ARHGAP31: variants seen among roughly 807,000 people sequenced by gnomAD.
The protein encoded by ARHGAP31 is Rho GTPase activating protein 31.
Under a neutral mutation model 113.9 loss-of-function variants are expected in ARHGAP31, and 34 were observed. The ratio of observed to expected loss-of-function variants is 0.30; its 90% CI spans 0.23 to 0.40. The LOEUF (loss-of-function observed/expected upper bound fraction) is 0.40. Among genes scored for constraint, ARHGAP31 ranks in the 10% least tolerant of loss-of-function variants. The pLI is 1.00. For synonymous variants in ARHGAP31, 650 were observed against 684.8 expected (o/e 0.95, Z 0.79); for missense variants, 1,548 against 1,767.1 (o/e 0.88, Z 2.22).
In ARHGAP31 at chr3:119,333,212, G is replaced by T. The variant is rs573803870; in HGVS notation, c.101-32104G>T. Among the ~76,000 whole-genome samples, 25 of 152,238 alleles carry T rather than the reference G, an allele frequency of 1.6e-4. No individual in the cohort carries two copies. The South Asian group carries it at 4.6e-3, about 28-fold the overall frequency. On this transcript the variant is annotated intron_variant, in intron 1 of 11. Transcript: ENST00000264245. ...GGCATGTTTGTTGGAAAGAAATATT[G>T]CTCTTTCTTCAAAAAGGGACTCTGA... is the stretch of plus-strand genomic sequence containing the variant.
chr3:119,313,441 C>T (rs1000701127), intron 1 of ARHGAP31, among the ~76,000 whole-genome samples: 1 of 152,168 alleles, frequency 6.6e-6, no homozygotes. Context: ...ATATGAGCCA[C>T]GTATCATTTT....
intron 3 of ARHGAP31, among the ~76,000 whole-genome samples, chr3:119,369,914 GA>G (rs1411402739): frequency 6.7e-6 from 1 of 149,314 alleles, no homozygotes; most frequent in Non-Finnish European, 1.5e-5. Context: ...TTTAAAAAAG[GA>G]AAAACAAAAT....
chr3:119,389,566 C>T (rs1303449836), intron 6 of ARHGAP31, among the ~76,000 whole-genome samples: 1 of 152,150 alleles, frequency 6.6e-6, no homozygotes, highest in Non-Finnish European at 1.5e-5. Context: ...GAATTAGTGC[C>T]ATCCATGCTA....
chr3:119,295,099 T>C, intron 1 of ARHGAP31, 95 bp downstream of exon 1: 3 of 1,172,872 alleles, frequency 2.6e-6, no homozygotes, highest in South Asian at 1.2e-5. Context: ...GGTTCACAAG[T>C]TAATGTATTC....
At chr3:119,371,888 C>G (rs972620420) in intron 3 of ARHGAP31, among the ~76,000 whole-genome samples, 4 of 152,168 alleles carry the variant, frequency 2.6e-5, no homozygotes, top group Non-Finnish European at 5.9e-5. Context: ...CATTAGTTTG[C>G]TAAGGATAAT....
intron 1 of ARHGAP31, among the ~76,000 whole-genome samples, chr3:119,347,598 A>T (rs2080071263): frequency 6.6e-6 from 1 of 152,154 alleles, no homozygotes; most frequent in South Asian, 2.1e-4. Context: ...CTTGGGTACA[A>T]GCTCAAGTAG....
At chr3:119,394,900 T>C (rs2080535182) in intron 8 of ARHGAP31, among the ~76,000 whole-genome samples, 1 of 152,218 alleles carries the variant, frequency 6.6e-6, no homozygotes. Flanking sequence ...TTTCATAGTA[T>C]GCTAATGGTT....
Position 119,409,650 on chromosome 3 carries a change from T to G in ARHGAP31, c.1800T>G (p.Asn600Lys). 1 of 1,612,704 alleles carries G rather than the reference T, an allele frequency of 6.2e-7. No homozygotes were observed. Among genetic ancestry groups the G allele is most frequent in the Non-Finnish European group, 8.5e-7 (1 of 1,179,382 alleles). Residue 600 changes from asparagine (N) to lysine (K), a missense_variant, in exon 11 of 12, where the codon AAT becomes AAG. Transcript: ENST00000264245. ...GCTCCTTGAGCTCTCAACATTTAAA[T>G]GAATTAGAGAAGAGGCCAAATCCGG... ...PESSLSSQHL[N>K]ELEKRPNPEK...
chr3:119,318,590 C>T (rs1179906960), intron 1 of ARHGAP31, among the ~76,000 whole-genome samples: 1 of 152,108 alleles, frequency 6.6e-6, no homozygotes, highest in Non-Finnish European at 1.5e-5. Context: ...TTCACAGAGC[C>T]TATAAGAAGG....
intron 10 of ARHGAP31, among the ~76,000 whole-genome samples, chr3:119,404,157 T>A (rs1181022915): frequency 6.6e-6 from 1 of 151,030 alleles, no homozygotes; most frequent in Non-Finnish European, 1.5e-5. Context: ...GGGGAGGGAG[T>A]GAAGGCTTTG....
At chr3:119,303,363 G>C (rs2079601787) in intron 1 of ARHGAP31, among the ~76,000 whole-genome samples, 1 of 152,204 alleles carries the variant, frequency 6.6e-6, no homozygotes, top group Non-Finnish European at 1.5e-5. Flanking sequence ...CCCAGGCTTT[G>C]CACAGAACTC....
At chr3:119,311,617 G>C (rs2079684329) in intron 1 of ARHGAP31, among the ~76,000 whole-genome samples, 1 of 152,202 alleles carries the variant, frequency 6.6e-6, no homozygotes. Flanking sequence ...TTGGCTAACA[G>C]ATAGCATTCA....
At position 119,398,243 on chromosome 3, in the gene ARHGAP31, G is replaced by C. The variant is rs549322393; in HGVS notation, c.1007-956G>C. On this transcript the variant is annotated intron_variant, in intron 8 of 11. Transcript: ENST00000264245. ...TGATCACTCTACCACACTCCAGCCT[G>C]GGCAACAGAATAAGACCCTGTCTTA... 5.9e-5 allele frequency among the ~76,000 whole-genome samples: 9 copies of C among 152,074 alleles called. No homozygotes were observed. The South Asian group carries it at 1.7e-3, about 28-fold the overall frequency.
At chr3:119,407,690 G>A (rs1220317831) in intron 10 of ARHGAP31, among the ~76,000 whole-genome samples, 1 of 152,238 alleles carries the variant, frequency 6.6e-6, no homozygotes, top group African/African-American at 2.4e-5. Flanking sequence ...GGTCTGGGAA[G>A]CCTTGAAAGA....
intron 1 of ARHGAP31, among the ~76,000 whole-genome samples, chr3:119,363,618 A>G (rs1163548139): frequency 6.6e-6 from 1 of 152,216 alleles, no homozygotes; most frequent in African/African-American, 2.4e-5. Flanking sequence ...GAAGGCCACA[A>G]GGGAAAGGAA....
intron 1 of ARHGAP31, among the ~76,000 whole-genome samples, chr3:119,312,371 C>T (rs1040503565): frequency 7.2e-5 from 11 of 152,190 alleles, no homozygotes; most frequent in Non-Finnish European, 1.2e-4. Context: ...GGATGTTTAA[C>T]GTTTCAAATC....
At chr3:119,314,498 C>T (rs1185874669) in intron 1 of ARHGAP31, 3 of 152,340 alleles carry the variant, frequency 2.0e-5, no homozygotes, top group African/African-American at 4.8e-5. Flanking sequence ...GCATAATGTT[C>T]GTAAATATGT....
At chr3:119,362,347 ACT>A (rs1389284310) in intron 1 of ARHGAP31, among the ~76,000 whole-genome samples, 4 of 152,316 alleles carry the variant, frequency 2.6e-5, no homozygotes, top group Non-Finnish European at 2.9e-5. Context: ...CAACCCAGAC[ACT>A]GTTAGATCCT....
chr3:119,336,439 C>T (rs1483169274), intron 1 of ARHGAP31, among the ~76,000 whole-genome samples: 1 of 151,998 alleles, frequency 6.6e-6, no homozygotes, highest in Non-Finnish European at 1.5e-5. Flanking sequence ...CATGCAGCAG[C>T]GGGAGAGGGA....
Sources: allele counts gnomAD v4.1 joint callset (sites outside exome capture counted in the v4.1 genomes callset), GRCh38; gene constraint gnomAD v4.1.1; transcripts MANE v1.5; gene names NCBI Gene and HGNC (gene_info 2026-07-23, HGNC 2026-07-21).